Variants in ZNF449 observed in about 807,000 individuals in gnomAD.
The protein encoded by ZNF449 is zinc finger and SCAN domain-containing protein 19.
Under a neutral mutation model 32.6 loss-of-function variants are expected in ZNF449, and 4 were observed. The observed-to-expected ratio is 0.12, with a 90% CI of 0.06 to 0.28. The LOEUF is 0.28. Among genes scored for constraint, ZNF449 ranks in the 10% least tolerant of loss-of-function variants. ZNF449 has a pLI of 1.00. For missense variants in ZNF449, 275 were observed against 383.2 expected, an observed-to-expected ratio of 0.72 and a Z score of 2.36; for synonymous variants, 123 against 132.2, an observed-to-expected ratio of 0.93 and a Z score of 0.48.
chrX:135,348,035 C>G (rs1385151279), intron 2 of ZNF449: 1 of 133,616 alleles, frequency 7.5e-6, no homozygotes, highest in Non-Finnish European at 1.7e-5. Flanking sequence ...TTGGGCCTGA[C>G]CGAATGTCAT....
chrX:135,357,251 G>T (rs151145197), intron 3 of ZNF449, among the ~76,000 whole-genome samples: 4,774 of 110,797 alleles, frequency 0.043, 115 homozygotes, highest in Non-Finnish European at 0.065. Flanking sequence ...TGTTTTCATC[G>T]AACAGTTTTA....
Position 135,362,780 on chromosome X carries a change from G to A in ZNF449, c.*1704G>A, listed in dbSNP as rs782156513. 1 of 111,950 alleles carries A rather than the reference G, an allele frequency of 8.9e-6. No individual in the cohort carries two copies. Among genetic ancestry groups the A allele is most frequent in the South Asian group, 3.7e-4 (1 of 2,700 alleles). 9.2% of individuals were successfully genotyped at this position (111,950 alleles called of 1,213,427 possible). A position where few individuals can be genotyped will look rare whatever the true frequency, so the allele number is the denominator to read the frequency against. The stretch of plus-strand genomic sequence containing the variant: ...TAAAGAAATATAATTCATGGATCAG[G>A]CTCATAAAGATTTTATAATATTTTT... On this transcript the variant is annotated 3_prime_UTR_variant, in exon 5 of 5. Transcript: ENST00000339249.
At chrX:135,345,226 A>G (rs782588448) in intron 1 of ZNF449, among the ~76,000 whole-genome samples, 28 of 112,828 alleles carry the variant, frequency 2.5e-4, no homozygotes, top group Non-Finnish European at 4.5e-4. Context: ...TATAGGCCCC[A>G]TGAGGGTGGA....
chrX:135,350,983 G>A (rs1292809646), intron 3 of ZNF449, among the ~76,000 whole-genome samples: 1 of 111,260 alleles, frequency 9.0e-6, no homozygotes, highest in Non-Finnish European at 1.9e-5. Flanking sequence ...GCAGTGCAAG[G>A]GACATAGAAG....
chrX:135,359,899 A>G lies in ZNF449; in HGVS notation c.567A>G (p.Pro189=). 3 of 1,182,883 alleles carry G rather than the reference A, an allele frequency of 2.5e-6. No individual in the cohort carries two copies. Among genetic ancestry groups the G allele is most frequent in the Non-Finnish European group, 2.3e-6 (2 of 873,282 alleles). The change falls in exon 4 of 5, where the codon CCA becomes CCG. Residue 189 remains proline (P), a synonymous_variant. Transcript: ENST00000339249. ...CATCTTTCTTCTGGCCAGGATATCCATTACCAAAACTTGACATGAACTTCT... is the reference window on the plus strand; with the variant it reads ...CATCTTTCTTCTGGCCAGGATATCCGTTACCAAAACTTGACATGAACTTCT... ...ECQNFLDPGY[P]LPKLDMNFSL... is the part of the protein sequence containing the mutation.
intron 2 of ZNF449, 141 bp from the exon 3 acceptor site, chrX:135,348,969 C>G (rs1476395965): frequency 2.2e-6 from 2 of 913,293 alleles, no homozygotes; most frequent in Non-Finnish European, 3.1e-6. Context: ...GTAACACGTA[C>G]TATTAAGATT....
chrX:135,360,935 T>C lies in ZNF449; in HGVS notation c.1416T>C (p.Phe472=). The change falls in exon 5 of 5, where the codon TTT becomes TTC. Residue 472 remains phenylalanine, a synonymous_variant. Coordinates refer to ENST00000339249, the MANE Select transcript of ZNF449 (RefSeq NM_152695.6). ...AATGTAATTATTGTGGGAAAAGTTT[T>C]AGACAGAGACCAAGCCTCGTTATTC... is the stretch of plus-strand genomic sequence containing the variant. ...PFKCNYCGKS[F]RQRPSLVIHL... The C allele has an allele frequency of 8.3e-7, 1 of 1,211,625 alleles. No individual in the cohort carries two copies. Among genetic ancestry groups the C allele is most frequent in the Non-Finnish European group, 1.1e-6 (1 of 895,391 alleles).
rs899460266 is a variant in ZNF449 at position 135,344,825 on chromosome X, G to T, written c.-111G>T. On this transcript the variant is annotated 5_prime_UTR_variant, in exon 1 of 5. Transcript: ENST00000339249. ...GCCGGTGAGCTTGGGAGAACCGTGG[G>T]CGCTGAGGCGGTGAGTCCCCGAGCG... 8.8e-6 allele frequency: 1 copy of T among 113,366 alleles called. No individual in the cohort carries two copies. Among genetic ancestry groups the T allele is most frequent in the Admixed American group, 9.2e-5 (1 of 10,891 alleles). 9.3% of individuals were successfully genotyped at this position (113,366 alleles called of 1,213,427 possible).
chrX:135,349,063 C>T (rs782354807), intron 2 of ZNF449, 47 bp from the exon 3 acceptor site: 344 of 1,165,912 alleles, frequency 3.0e-4, no homozygotes, highest in Non-Finnish European at 3.9e-4. Flanking sequence ...TTCTACTGGG[C>T]ACTGTTGGTC....
chrX:135,348,969 C>T (rs1476395965), intron 2 of ZNF449, 141 bp from the exon 3 acceptor site: 2 of 913,293 alleles, frequency 2.2e-6, no homozygotes, highest in Admixed American at 5.3e-5. Flanking sequence ...GTAACACGTA[C>T]TATTAAGATT....
At chrX:135,351,677 A>C (rs1414459162) in intron 3 of ZNF449, among the ~76,000 whole-genome samples, 4 of 108,227 alleles carry the variant, frequency 3.7e-5, no homozygotes, top group East Asian at 5.8e-4. Context: ...AAAAAAAAAA[A>C]AAAAAAAACA....
chrX:135,345,633 A>G (rs920609940), intron 1 of ZNF449, among the ~76,000 whole-genome samples: 2 of 112,404 alleles, frequency 1.8e-5, no homozygotes, highest in East Asian at 2.8e-4. Flanking sequence ...TTCTGTTACA[A>G]AAGAGGCACT....
intron 3 of ZNF449, among the ~76,000 whole-genome samples, chrX:135,357,857 A>G (rs2084926130): frequency 9.0e-6 from 1 of 110,812 alleles, no homozygotes; most frequent in Non-Finnish European, 1.9e-5. Flanking sequence ...ATCGGTTTGT[A>G]TCTTTGAATC....
intron 3 of ZNF449, among the ~76,000 whole-genome samples, chrX:135,354,145 A>G (rs938762498): frequency 8.9e-6 from 1 of 112,311 alleles, no homozygotes; most frequent in Non-Finnish European, 1.9e-5. Flanking sequence ...ACTTTAATAG[A>G]TATTGTCAAA....
intron 3 of ZNF449, among the ~76,000 whole-genome samples, chrX:135,349,805 C>G (rs2084873393): frequency 8.9e-6 from 1 of 111,837 alleles, no homozygotes; most frequent in African/African-American, 3.3e-5. Context: ...CTGTAGTAAG[C>G]AGACCATTTG....
intron 3 of ZNF449, among the ~76,000 whole-genome samples, chrX:135,356,632 C>A (rs1198665989): frequency 2.7e-5 from 3 of 111,447 alleles, no homozygotes; most frequent in African/African-American, 9.8e-5. Context: ...ACTTTTGTTT[C>A]TCCCAAATTT....
At position 135,360,477 on chromosome X, in the gene ZNF449, G is replaced by A; in HGVS notation, c.958G>A (p.Glu320Lys). ...PKPHKKKSPGEKPHRCPQCGK... is the reference protein window; with the variant it reads ...PKPHKKKSPGKKPHRCPQCGK... ...ACCCCACAAGAAAAAGAGTCCAGGA[G>A]AGAAACCTCACCGATGTCCTCAGTG... The change falls in exon 5 of 5, where the codon GAG becomes AAG. Residue 320 changes from glutamate (E) to lysine (K), a missense_variant. Glu to Lys is a moderately conservative substitution (Grantham distance 56). Coordinates refer to ENST00000339249, the MANE Select transcript of ZNF449 (RefSeq NM_152695.6). 1 of 1,211,556 alleles carries A rather than the reference G, an allele frequency of 8.3e-7. No homozygotes were observed. Among genetic ancestry groups the A allele is most frequent in the South Asian group, 1.8e-5 (1 of 56,969 alleles).
At chrX:135,351,978 G>A (rs956219673) in intron 3 of ZNF449, among the ~76,000 whole-genome samples, 6 of 111,699 alleles carry the variant, frequency 5.4e-5, no homozygotes, top group Non-Finnish European at 1.1e-4. Context: ...TCTTATCACC[G>A]TTTAAAGTGA....
chrX:135,355,346 A>G (rs1462366703), intron 3 of ZNF449, among the ~76,000 whole-genome samples: 1 of 110,282 alleles, frequency 9.1e-6, no homozygotes, highest in Non-Finnish European at 1.9e-5. Context: ...AAACAATCCA[A>G]TTCTACTCTT....
Sources: allele counts gnomAD v4.1 joint callset (sites outside exome capture counted in the v4.1 genomes callset), GRCh38; gene constraint gnomAD v4.1.1; transcripts MANE v1.5; gene names NCBI Gene and HGNC (gene_info 2026-07-23, HGNC 2026-07-21).